COL25A1: variants seen among roughly 807,000 people sequenced by gnomAD.
COL25A1 encodes collagen type XXV alpha 1 chain.
A neutral mutation model predicts 128.4 loss-of-function variants in COL25A1; 103 were observed. That is an observed-to-expected ratio of 0.80 (90% CI 0.68 to 0.94). COL25A1 has a LOEUF of 0.94. Ranked by LOEUF, COL25A1 falls within the 40% of genes least tolerant of loss-of-function variation. COL25A1 has a pLI of 0.00. For missense variants in COL25A1, 745 were observed against 840.0 expected, an observed-to-expected ratio of 0.89 and a Z score of 1.40; for synonymous variants, 279 against 277.2, an observed-to-expected ratio of 1.01 and a Z score of -0.06.
intron 3 of COL25A1, among the ~76,000 whole-genome samples, chr4:109,281,107 G>A (rs1723346610): frequency 6.6e-6 from 1 of 152,012 alleles, no homozygotes. Flanking sequence ...AATTGGGAGA[G>A]TACAAGAATA....
chr4:109,215,441 T>C (rs1777909535), intron 3 of COL25A1, among the ~76,000 whole-genome samples: 1 of 152,114 alleles, frequency 6.6e-6, no homozygotes, highest in South Asian at 2.1e-4. Context: ...ACAATATAGT[T>C]TATTTGGAGG....
At chr4:109,030,198 G>T (rs1378797291) in intron 5 of COL25A1, among the ~76,000 whole-genome samples, 1 of 152,142 alleles carries the variant, frequency 6.6e-6, no homozygotes, top group Non-Finnish European at 1.5e-5. Flanking sequence ...TTTCACGGAA[G>T]TCAACAAGAT....
intron 3 of COL25A1, among the ~76,000 whole-genome samples, chr4:109,158,606 A>G (rs1772253454): frequency 6.6e-6 from 1 of 152,168 alleles, no homozygotes; most frequent in South Asian, 2.1e-4. Flanking sequence ...TGCCCTCAAG[A>G]CTATCCATAA....
chr4:108,944,510 C>A (rs970027842), intron 8 of COL25A1, among the ~76,000 whole-genome samples: 3 of 151,916 alleles, frequency 2.0e-5, no homozygotes, highest in East Asian at 1.9e-4. Context: ...TGATTAGTGG[C>A]GATAAATCAT....
Position 108,952,412 on chromosome 4 carries a change from T to C in COL25A1, c.493-10975A>G, listed in dbSNP as rs143455824. 2.0e-5 allele frequency among the ~76,000 whole-genome samples: 3 copies of C among 152,266 alleles called. No individual in the cohort carries two copies. In the East Asian group the frequency reaches 5.8e-4, roughly 29 times the overall value. On this transcript the variant is annotated intron_variant, in intron 8 of 37. Coordinates refer to ENST00000399132, the MANE Select transcript of COL25A1 (RefSeq NM_198721.4). Reference sequence around the variant, plus strand: ...GTCAATTTGATTGTCAAACACTGCATAAAAATCTGCTTAAACCTCCCTGTG... The same window carrying C: ...GTCAATTTGATTGTCAAACACTGCACAAAAATCTGCTTAAACCTCCCTGTG...
At chr4:109,139,752 C>T (rs1010950436) in intron 3 of COL25A1, among the ~76,000 whole-genome samples, 1 of 151,840 alleles carries the variant, frequency 6.6e-6, no homozygotes, top group Non-Finnish European at 1.5e-5. Context: ...ATACATGTGC[C>T]ATGTTGGTGT....
At chr4:108,919,350 T>C (rs1278872595) in intron 12 of COL25A1, among the ~76,000 whole-genome samples, 3 of 152,176 alleles carry the variant, frequency 2.0e-5, no homozygotes, top group Admixed American at 2.0e-4. Context: ...TGGTCGTATG[T>C]GGATTAGAGT....
chr4:109,021,352 A>T (rs1757736507), intron 5 of COL25A1, among the ~76,000 whole-genome samples: 1 of 152,224 alleles, frequency 6.6e-6, no homozygotes, highest in African/African-American at 2.4e-5. Flanking sequence ...TGGCTGGAGC[A>T]GCGGCAGAGG....
intron 3 of COL25A1, among the ~76,000 whole-genome samples, chr4:109,291,370 A>G (rs1039794739): frequency 5.3e-5 from 8 of 152,138 alleles, no homozygotes; most frequent in African/African-American, 1.9e-4. Context: ...ACTTATGTGC[A>G]ATTCATGTAT....
At chr4:109,014,799 G>C (rs917897554) in intron 5 of COL25A1, among the ~76,000 whole-genome samples, 1 of 152,194 alleles carries the variant, frequency 6.6e-6, no homozygotes, top group Non-Finnish European at 1.5e-5. Flanking sequence ...GGAAGTGGTT[G>C]ATAGAGACGC....
chr4:109,007,862 C>T (rs1350246287), intron 6 of COL25A1, among the ~76,000 whole-genome samples: 3 of 152,122 alleles, frequency 2.0e-5, no homozygotes, highest in Admixed American at 6.5e-5. Context: ...TTCTCCTGGT[C>T]CTGTCCATTC....
chr4:109,242,261 A>C (rs1009637998), intron 3 of COL25A1, among the ~76,000 whole-genome samples: 67 of 152,226 alleles, frequency 4.4e-4, no homozygotes, highest in African/African-American at 1.3e-3. Flanking sequence ...AATTCCACTA[A>C]CAATTTTTCT....
chr4:108,883,134 C>T (rs553766009), intron 19 of COL25A1, among the ~76,000 whole-genome samples: 3 of 152,112 alleles, frequency 2.0e-5, no homozygotes, highest in African/African-American at 4.8e-5. Flanking sequence ...CTCCACCTCC[C>T]GGGTTCAAGA....
intron 13 of COL25A1, among the ~76,000 whole-genome samples, chr4:108,916,760 G>C (rs1346016228): frequency 6.6e-6 from 1 of 152,038 alleles, no homozygotes; most frequent in Non-Finnish European, 1.5e-5. Context: ...TAAATATTCT[G>C]TCTTTGCCAG....
intron 3 of COL25A1, among the ~76,000 whole-genome samples, chr4:109,139,690 T>C (rs1254470899): frequency 2.6e-5 from 4 of 152,184 alleles, no homozygotes; most frequent in Admixed American, 6.5e-5. Context: ...ATTATTATTA[T>C]ACTTTAAGTT....
In COL25A1 at chr4:109,139,761, G is replaced by A. The variant is rs531035415; in HGVS notation, c.368-89582C>T. Among the ~76,000 whole-genome samples, 634 of 152,082 alleles carry A rather than the reference G, an allele frequency of 4.2e-3. 1 individual carries two copies. The highest frequency in any genetic ancestry group is 6.8e-3 in the Middle Eastern group (2 of 294). On this transcript the variant is annotated intron_variant, in intron 3 of 37. Coordinates refer to ENST00000399132, the MANE Select transcript of COL25A1 (RefSeq NM_198721.4). ...ATATGTATACATGTGCCATGTTGGTGTGCTGCATCCATTAACTCGTCATTT... is the reference window on the plus strand; with the variant it reads ...ATATGTATACATGTGCCATGTTGGTATGCTGCATCCATTAACTCGTCATTT...
chr4:108,884,850 T>C (rs749535746), intron 18 of COL25A1, among the ~76,000 whole-genome samples: 9 of 152,218 alleles, frequency 5.9e-5, no homozygotes, highest in Non-Finnish European at 8.8e-5. Context: ...ATGCAGCTGT[T>C]GCTGAATACA....
chr4:108,985,076 CCTT>C (rs1337589043), intron 6 of COL25A1, among the ~76,000 whole-genome samples: 1 of 152,300 alleles, frequency 6.6e-6, no homozygotes, highest in Admixed American at 6.5e-5. Context: ...CTACCATTCT[CCTT>C]CTTCCAATGT....
intron 8 of COL25A1, among the ~76,000 whole-genome samples, chr4:108,968,770 A>C (rs1705059934): frequency 6.6e-6 from 1 of 152,180 alleles, no homozygotes; most frequent in African/African-American, 2.4e-5. Context: ...TGTTTGTTAC[A>C]CTATTCCAAT....
Sources: gnomAD v4.1 joint callset for allele counts (sites outside exome capture counted in the v4.1 genomes callset) on GRCh38, gnomAD v4.1.1 for gene constraint, MANE v1.5 for transcripts, NCBI Gene and HGNC (gene_info 2026-07-23, HGNC 2026-07-21) for gene names.